The following SPG7 variants were observed in gnomAD, a reference collection of about 807,000 sequenced individuals.
SPG7 encodes mitochondrial inner membrane m-AAA protease component paraplegin.
In SPG7, 103 loss-of-function variants were observed where a neutral mutation model predicts 81.9. The ratio of observed to expected loss-of-function variants is 1.26; its 90% CI spans 1.07 to 1.48. The LOEUF is 1.48. Among genes scored for constraint, SPG7 ranks in the 40% most tolerant of loss-of-function variants. SPG7 has a pLI of 0.00. For synonymous variants in SPG7, 534 were observed against 444.2 expected (o/e 1.20, Z -2.54); for missense variants, 1,241 against 1,087.3 (o/e 1.14, Z -1.99).
intron 9 of SPG7, among the ~76,000 whole-genome samples, chr16:89,542,826 T>C (rs917093511): frequency 6.6e-6 from 1 of 151,764 alleles, no homozygotes; most frequent in African/African-American, 2.4e-5. Context: ...AGCCTTCACC[T>C]CCTAGGCTCA....
chr16:89,514,904 A>G lies in SPG7; in HGVS notation c.376+1867A>G, dbSNP rs931622658. On this transcript the variant is annotated intron_variant, in intron 3 of 16. Coordinates refer to ENST00000645818, the MANE Select transcript of SPG7 (RefSeq NM_003119.4). Reference sequence around the variant, plus strand: ...CTTGGCCTCCCAAAGTGCTGAGATTACAGGTGTGAACCACCGTGCCTGGCC... The same window carrying G: ...CTTGGCCTCCCAAAGTGCTGAGATTGCAGGTGTGAACCACCGTGCCTGGCC... Among the ~76,000 whole-genome samples the G allele has an allele frequency of 3.0e-4, 44 of 148,626 alleles. 1 individual carries two copies. In the South Asian group the frequency reaches 3.4e-3, roughly 12 times the overall value.
intron 9 of SPG7, 117 bp from the exon 10 acceptor site, chr16:89,544,531 C>A (rs2058538471): frequency 8.1e-6 from 10 of 1,232,646 alleles, no homozygotes. Flanking sequence ...CTGTTCCTTT[C>A]TCTCTGGGCC....
Position 89,508,494 on chromosome 16 carries a change from G to A in SPG7, c.77G>A (p.Gly26Asp). 6.6e-7 allele frequency: 1 copy of A among 1,511,146 alleles called. No homozygotes were observed. Among genetic ancestry groups the A allele is most frequent in the Admixed American group, 2.0e-5 (1 of 48,982 alleles). 93.6% of individuals were successfully genotyped at this position (1,511,146 alleles called of 1,614,324 possible). ...GGTCCTCGGCCGCTGTGGGGCCCAG[G>A]CCCGGCCTGGAGTCCAGGGTTCCCC... ...GPGPRPLWGP[G>D]PAWSPGFPAR... Residue 26 changes from glycine (G) to aspartate (D), a missense_variant, in exon 1 of 17, where the codon GGC becomes GAC. Gly to Asp is a moderately conservative substitution (Grantham distance 94). Coordinates refer to ENST00000645818, the MANE Select transcript of SPG7 (RefSeq NM_003119.4).
At chr16:89,509,124 G>A (rs949018937) in intron 1 of SPG7, 7 of 373,826 alleles carry the variant, frequency 1.9e-5, no homozygotes, top group Non-Finnish European at 3.8e-5. Context: ...GTGCGGCCTT[G>A]TTTCAGGTTC....
intron 9 of SPG7, chr16:89,536,615 A>AGGCGGGTGAG (rs1221388005): frequency 1.0e-5 from 8 of 775,258 alleles, no homozygotes; most frequent in South Asian, 4.6e-5. Flanking sequence ...GAGGTGGGTG[A>AGGCGGGTGAG]GGCGGGTGAG....
intron 3 of SPG7, among the ~76,000 whole-genome samples, chr16:89,515,895 G>T (rs2058089899): frequency 6.6e-6 from 1 of 151,564 alleles, no homozygotes; most frequent in Non-Finnish European, 1.5e-5. Context: ...TTTTAGCAGA[G>T]ACAGGGTTTC....
At chr16:89,529,359 G>C in intron 5 of SPG7, 118 bp from the exon 6 acceptor site, 1 of 730,786 alleles carries the variant, frequency 1.4e-6, no homozygotes, top group Admixed American at 2.0e-5. Context: ...ATCGGTCCCA[G>C]ACGTAGGGAT....
intron 12 of SPG7, chr16:89,548,795 C>CA: frequency 2.6e-6 from 1 of 382,800 alleles, no homozygotes; most frequent in Non-Finnish European, 5.3e-6. Context: ...CGTGATCAGT[C>CA]ATCTCATGGA....
intron 6 of SPG7, 48 bp from the exon 7 acceptor site, chr16:89,530,635 G>T: frequency 6.2e-7 from 1 of 1,613,710 alleles, no homozygotes; most frequent in South Asian, 1.1e-5. Context: ...TCGTGCTGCT[G>T]ATTTCCTGAC....
At chr16:89,534,940 T>C (rs1005547157) in intron 9 of SPG7, among the ~76,000 whole-genome samples, 1 of 152,214 alleles carries the variant, frequency 6.6e-6, no homozygotes, top group East Asian at 1.9e-4. Context: ...CTTGCTGTGT[T>C]GTCCAGGTTG....
chr16:89,529,514 G>C lies in SPG7; in HGVS notation c.796G>C (p.Ala266Pro). 1 of 1,613,956 alleles carries C rather than the reference G, an allele frequency of 6.2e-7. No homozygotes were observed. ...TGTGGGGATGACGGCAGTGGGCCTG[G>C]CCATCCTGTGGTATGTTTTCCGTCT... ...YSVGMTAVGLAILWYVFRLAG... is the reference protein window; with the variant it reads ...YSVGMTAVGLPILWYVFRLAG... The change falls in exon 6 of 17, where the codon GCC (alanine) becomes CCC (proline). Residue 266 changes from alanine (A) to proline (P), a missense_variant. Ala to Pro is a conservative substitution (Grantham distance 27). Coordinates refer to ENST00000645818, the MANE Select transcript of SPG7 (RefSeq NM_003119.4).
In SPG7 at chr16:89,513,175, C is replaced by T. The variant is rs762390870; in HGVS notation, c.376+138C>T. On this transcript the variant is annotated intron_variant, in intron 3 of 16. Coordinates refer to ENST00000645818, the MANE Select transcript of SPG7 (RefSeq NM_003119.4). ...CAGTGGCTCACACTTGTAATCGAAA[C>T]GCTTTGGGAGGCCCAGGTGGAAGGA... 28 of 1,293,162 alleles carry T rather than the reference C, an allele frequency of 2.2e-5. No individual in the cohort carries two copies. In the South Asian group the frequency reaches 2.3e-4, roughly 11 times the overall value. 80.1% of individuals were successfully genotyped at this position (1,293,162 alleles called of 1,614,324 possible).
intron 3 of SPG7, chr16:89,523,684 T>C (rs1023648311): frequency 8.4e-6 from 4 of 474,352 alleles, no homozygotes; most frequent in African/African-American, 7.9e-5. Context: ...CGCCTCAGCC[T>C]CCCAAGTAGC....
intron 3 of SPG7, chr16:89,516,781 C>T (rs62070325): frequency 0.43 from 65,543 of 151,062 alleles, 14,782 homozygotes; most frequent in East Asian, 0.68. Context: ...AGGAGAATGG[C>T]GTGAACCCAA....
At chr16:89,550,211 C>T (rs1318272729) in intron 12 of SPG7, 22 of 389,714 alleles carry the variant, frequency 5.6e-5, no homozygotes, top group African/African-American at 2.3e-4. Context: ...CTTGCTCTGT[C>T]GCCCAGCCTG....
chr16:89,512,909 CA>C, intron 2 of SPG7, 38 bp from the exon 3 acceptor site: 1 of 1,608,596 alleles, frequency 6.2e-7, no homozygotes, highest in East Asian at 2.2e-5. Context: ...CCTGTGGTTG[CA>C]AAACTTAATT....
intron 9 of SPG7, chr16:89,533,073 CAAAAA>C (rs398042283): frequency 7.7e-4 from 65 of 84,822 alleles, no homozygotes; most frequent in African/African-American, 2.6e-3. Flanking sequence ...GACTCCATCT[CAAAAA>C]AAAAAAAAAA....
At chr16:89,531,381 T>C (rs2058340596) in intron 7 of SPG7, 1 of 176,708 alleles carries the variant, frequency 5.7e-6, no homozygotes, top group Non-Finnish European at 1.2e-5. Flanking sequence ...ATTTAATTAA[T>C]TTTTTTTTTC....
At chr16:89,536,932 G>C in intron 9 of SPG7, 1 of 1,614,166 alleles carries the variant, frequency 6.2e-7, no homozygotes, top group Non-Finnish European at 8.5e-7. Flanking sequence ...ACCTTTTTGA[G>C]TGACTTGAGC....
Sources: gnomAD v4.1 joint callset for allele counts (sites outside exome capture counted in the v4.1 genomes callset) on GRCh38, gnomAD v4.1.1 for gene constraint, MANE v1.5 for transcripts, NCBI Gene and HGNC (gene_info 2026-07-23, HGNC 2026-07-21) for gene names.